The following ROBO1 variants were observed in gnomAD, a reference collection of about 807,000 sequenced individuals.
ROBO1 encodes roundabout guidance receptor 1, also known as roundabout homolog 1.
Under a neutral mutation model 195.9 loss-of-function variants are expected in ROBO1, and 149 were observed. The observed-to-expected ratio is 0.76, with a 90% CI of 0.67 to 0.87. The LOEUF (loss-of-function observed/expected upper bound fraction) is 0.87. Ranked by LOEUF, ROBO1 falls within the 40% of genes least tolerant of loss-of-function variation. The pLI, the probability that ROBO1 is intolerant of heterozygous loss-of-function variation, is 0.00. For missense variants in ROBO1, 1,933 were observed against 2,068.3 expected (o/e 0.93, Z 1.27); for synonymous variants, 816 against 733.2 (o/e 1.11, Z -1.82).
At chr3:79,601,621 G>A (rs927159562) in intron 1 of ROBO1, among the ~76,000 whole-genome samples, 1 of 151,900 alleles carries the variant, frequency 6.6e-6, no homozygotes, top group African/African-American at 2.4e-5. Context: ...CAGAAGAGAT[G>A]GAGTACAAAC....
At chr3:79,175,837 T>C (rs1457401880) in intron 2 of ROBO1, among the ~76,000 whole-genome samples, 2 of 152,242 alleles carry the variant, frequency 1.3e-5, no homozygotes, top group Non-Finnish European at 2.9e-5. Context: ...CTTATTTGCC[T>C]TTCCAAACAA....
chr3:79,581,154 T>A (rs1317059924), intron 2 of ROBO1, among the ~76,000 whole-genome samples: 2 of 148,596 alleles, frequency 1.3e-5, no homozygotes. Context: ...TATTTTATTT[T>A]TTTTACCAAG....
intron 3 of ROBO1, among the ~76,000 whole-genome samples, chr3:79,115,129 A>AC (rs1269115052): frequency 2.6e-5 from 4 of 152,206 alleles, no homozygotes; most frequent in African/African-American, 9.6e-5. Flanking sequence ...AAATCATACA[A>AC]CCATCATGAA....
At chr3:78,909,229 G>A (rs2038102708) in intron 4 of ROBO1, among the ~76,000 whole-genome samples, 1 of 151,432 alleles carries the variant, frequency 6.6e-6, no homozygotes, top group African/African-American at 2.4e-5. Flanking sequence ...AAATATCAAA[G>A]ATATTCTTCT....
intron 1 of ROBO1, among the ~76,000 whole-genome samples, chr3:79,621,706 G>A (rs772780361): frequency 6.6e-6 from 1 of 152,160 alleles, no homozygotes; most frequent in Admixed American, 6.5e-5. Flanking sequence ...TCTCAGAGGA[G>A]CAAATGCTAA....
chr3:79,225,345 G>T (rs904855409), intron 2 of ROBO1, among the ~76,000 whole-genome samples: 27 of 152,006 alleles, frequency 1.8e-4, no homozygotes, highest in African/African-American at 6.0e-4. Flanking sequence ...ACTCTAAAAG[G>T]ATGGAAAATA....
intron 25 of ROBO1, among the ~76,000 whole-genome samples, chr3:78,628,633 A>T (rs1704977339): frequency 6.6e-6 from 1 of 152,214 alleles, no homozygotes; most frequent in South Asian, 2.1e-4. Context: ...ACCTGAACTC[A>T]GGAAAGTTGA....
chr3:79,044,540 A>G (rs2078553337), intron 3 of ROBO1, among the ~76,000 whole-genome samples: 2 of 152,150 alleles, frequency 1.3e-5, no homozygotes, highest in Non-Finnish European at 2.9e-5. Context: ...ATAATTTACC[A>G]ACCAATAATG....
intron 9 of ROBO1, among the ~76,000 whole-genome samples, chr3:78,687,939 G>A (rs1346847011): frequency 6.6e-6 from 1 of 152,110 alleles, no homozygotes; most frequent in East Asian, 1.9e-4. Context: ...CCGCGTTTTT[G>A]TTTTATTGAA....
At chr3:79,412,874 ATTTTTTTTTTTTTTTTTTTTT>A (rs1167482550) in intron 2 of ROBO1, among the ~76,000 whole-genome samples, 1 of 38,338 alleles carries the variant, frequency 2.6e-5, no homozygotes, top group African/African-American at 1.2e-4. Context: ...TCATGAGCTG[ATTTTTTTTTTTTTTTTTTTTT>A]TTTTTTTTTT....
intron 3 of ROBO1, among the ~76,000 whole-genome samples, chr3:79,056,570 G>A (rs1213030297): frequency 6.6e-6 from 1 of 152,032 alleles, no homozygotes; most frequent in African/African-American, 2.4e-5. Flanking sequence ...AAAAACTCTT[G>A]GGTAACATTA....
At chr3:78,855,041 C>A (rs2034326192) in intron 4 of ROBO1, among the ~76,000 whole-genome samples, 1 of 151,960 alleles carries the variant, frequency 6.6e-6, no homozygotes, top group African/African-American at 2.4e-5. Context: ...GATTAAACAT[C>A]CAACTATGAT....
chr3:79,457,382 TGTGTGTGTGTGTGC>T (rs1491360728), intron 2 of ROBO1, among the ~76,000 whole-genome samples: 2 of 150,760 alleles, frequency 1.3e-5, no homozygotes, highest in Non-Finnish European at 3.0e-5. Flanking sequence ...AATGAAACAC[TGTGTGTGTGTGTGC>T]GTGTGTGTGT....
At chr3:79,571,047 G>A (rs1943261158) in intron 2 of ROBO1, among the ~76,000 whole-genome samples, 1 of 152,064 alleles carries the variant, frequency 6.6e-6, no homozygotes, top group East Asian at 1.9e-4. Context: ...AATATCACAT[G>A]TATATTATTG....
intron 2 of ROBO1, among the ~76,000 whole-genome samples, chr3:79,167,195 G>A (rs972799379): frequency 2.9e-5 from 4 of 136,022 alleles, no homozygotes; most frequent in African/African-American, 3.2e-5. Context: ...TAGCACAAAA[G>A]CATTTCCTAA....
rs77910445 is a variant in ROBO1, at chr3:79,489,319, A to T, written c.88+100505T>A. Among the ~76,000 whole-genome samples the T allele has an allele frequency of 1.4e-3, 206 of 152,282 alleles. 4 individuals are homozygous for T. The East Asian group carries it at 0.031, about 23-fold the overall frequency. On this transcript the variant is annotated intron_variant, in intron 2 of 30. Transcript: ENST00000464233. ...TGAAAAGTTCAAACACATGTCTAAAATTACAATTATTCATCATAAACAGTC... is the reference window on the plus strand; with the variant it reads ...TGAAAAGTTCAAACACATGTCTAAATTTACAATTATTCATCATAAACAGTC...
intron 1 of ROBO1, among the ~76,000 whole-genome samples, chr3:79,614,215 A>T (rs1033724780): frequency 6.6e-6 from 1 of 152,084 alleles, no homozygotes; most frequent in Non-Finnish European, 1.5e-5. Flanking sequence ...TCAACTACAC[A>T]TGACACATTC....
intron 2 of ROBO1, among the ~76,000 whole-genome samples, chr3:79,485,158 A>T (rs1460834525): frequency 6.6e-6 from 1 of 152,270 alleles, no homozygotes; most frequent in South Asian, 2.1e-4. Context: ...GCTGCTATAT[A>T]GTAGCCATCA....
At chr3:78,721,619 A>G (rs1483320462) in intron 5 of ROBO1, among the ~76,000 whole-genome samples, 1 of 152,204 alleles carries the variant, frequency 6.6e-6, no homozygotes, top group Non-Finnish European at 1.5e-5. Flanking sequence ...GTAAGTGTTC[A>G]ATGTTTTTTA....
Sources: allele counts gnomAD v4.1 joint callset (sites outside exome capture counted in the v4.1 genomes callset), GRCh38; gene constraint gnomAD v4.1.1; transcripts MANE v1.5; gene names NCBI Gene and HGNC (gene_info 2026-07-23, HGNC 2026-07-21).